The following MMADHC variants were observed in gnomAD, a reference collection of about 807,000 sequenced individuals.
The protein encoded by MMADHC is cobalamin trafficking protein CblD.
MMADHC carries 23 observed loss-of-function variants against 36.3 expected under a neutral mutation model. The observed-to-expected ratio is 0.63, with a 90% confidence interval of 0.46 to 0.90. MMADHC has a LOEUF of 0.90. Ranked by LOEUF, MMADHC falls within the 40% of genes least tolerant of loss-of-function variation. The pLI is 0.00. For synonymous variants in MMADHC, 97 were observed against 116.1 expected (o/e 0.84, Z 1.06); for missense variants, 330 against 348.0 (o/e 0.95, Z 0.41).
chr2:149,583,034 T>C (rs993146883), intron 2 of MMADHC, among the ~76,000 whole-genome samples: 1 of 152,212 alleles, frequency 6.6e-6, no homozygotes, highest in Non-Finnish European at 1.5e-5. Context: ...CTATGGTCAC[T>C]TTCCCACGAC....
rs761480889 is a variant in MMADHC, at chr2:149,582,176, T to A, written c.105A>T (p.Gly35=). ...CATGAGACTCATCCGAACCTGATGATCCTGCAGTCGAAAAGGCTTTGGGAT... is the reference window on the plus strand; with the variant it reads ...CATGAGACTCATCCGAACCTGATGAACCTGCAGTCGAAAAGGCTTTGGGAT... ...VVNPKAFSTA[G]SSGSDESHVA... Residue 35 remains glycine, a synonymous_variant, in exon 3 of 8, where the codon GGA becomes GGT. Coordinates refer to ENST00000303319, the MANE Select transcript of MMADHC (RefSeq NM_015702.3). 3 of 1,613,992 alleles carry A rather than the reference T, an allele frequency of 1.9e-6. No homozygotes were observed. Among genetic ancestry groups the A allele is most frequent in the Non-Finnish European group, 2.5e-6 (3 of 1,179,904 alleles).
chr2:149,573,922 ACTGACATCTGCTG>A, intron 6 of MMADHC, among the ~76,000 whole-genome samples: 1 of 152,208 alleles, frequency 6.6e-6, no homozygotes, highest in Non-Finnish European at 1.5e-5. Flanking sequence ...GTTCACCAAC[ACTGACATCTGCTG>A]GAAAAAATTA....
chr2:149,572,215 A>T, intron 6 of MMADHC: 1 of 425,412 alleles, frequency 2.4e-6, no homozygotes, highest in East Asian at 8.3e-5. Context: ...TTTAAAAACA[A>T]GGGCACATAG....
At chr2:149,586,808 C>A in intron 2 of MMADHC, 1 of 454,478 alleles carries the variant, frequency 2.2e-6, no homozygotes, top group South Asian at 3.5e-5. Context: ...AACATAGATT[C>A]TAATATTTAC....
At chr2:149,585,574 T>C (rs1407587575) in intron 2 of MMADHC, among the ~76,000 whole-genome samples, 1 of 152,220 alleles carries the variant, frequency 6.6e-6, no homozygotes, top group Non-Finnish European at 1.5e-5. Context: ...TCTGGCAGTA[T>C]TGGATTCACA....
At chr2:149,575,025 T>C (rs903836190) in intron 6 of MMADHC, among the ~76,000 whole-genome samples, 3 of 152,100 alleles carry the variant, frequency 2.0e-5, no homozygotes, top group African/African-American at 7.2e-5. Flanking sequence ...AACTCCTGGA[T>C]TCAAGCAATC....
At chr2:149,572,930 TA>T (rs1682665210) in intron 6 of MMADHC, among the ~76,000 whole-genome samples, 1 of 152,164 alleles carries the variant, frequency 6.6e-6, no homozygotes, top group Non-Finnish European at 1.5e-5. Flanking sequence ...CAGAGGTTAG[TA>T]AGCTACAGCC....
At chr2:149,578,813 A>G (rs1371422621) in intron 4 of MMADHC, among the ~76,000 whole-genome samples, 1 of 152,132 alleles carries the variant, frequency 6.6e-6, no homozygotes, top group African/African-American at 2.4e-5. Context: ...ACTATGCAAA[A>G]ATATGAAAAA....
intron 2 of MMADHC, among the ~76,000 whole-genome samples, chr2:149,583,959 T>C (rs1450531846): frequency 6.6e-6 from 1 of 152,190 alleles, no homozygotes; most frequent in African/African-American, 2.4e-5. Flanking sequence ...TCTTACTTTT[T>C]CTTTAAGACC....
intron 6 of MMADHC, among the ~76,000 whole-genome samples, chr2:149,574,832 A>G (rs1682690282): frequency 6.6e-6 from 1 of 152,202 alleles, no homozygotes; most frequent in Admixed American, 6.5e-5. Flanking sequence ...GGTAGGTATC[A>G]CTTTGTCGCT....
intron 4 of MMADHC, 86 bp downstream of exon 4, chr2:149,579,345 T>G: frequency 7.7e-7 from 1 of 1,304,318 alleles, no homozygotes; most frequent in South Asian, 1.2e-5. Context: ...TTTTTTACTT[T>G]TTCAACAAAA....
Position 149,572,335 on chromosome 2 carries a change from C to CA in MMADHC, c.610-1165dup, listed in dbSNP as rs372625497. On this transcript the variant is annotated intron_variant, in intron 6 of 7. Coordinates refer to ENST00000303319, the MANE Select transcript of MMADHC (RefSeq NM_015702.3). Reference sequence around the variant, plus strand: ...GCCTGGGCGAGAGAGACTCCGTCTCCAAAAAAAAAAAATCAAGGGCACAGT... The same window carrying CA: ...GCCTGGGCGAGAGAGACTCCGTCTCCAAAAAAAAAAAAATCAAGGGCACAGT... 707 of 121,972 alleles carry CA rather than the reference C, an allele frequency of 5.8e-3. 1 individual carries two copies. The highest frequency in any genetic ancestry group is 0.025 in the South Asian group (181 of 7,196). 7.6% of individuals were successfully genotyped at this position (121,972 alleles called of 1,614,324 possible).
Position 149,570,039 on chromosome 2 carries a change from C to CAACT in MMADHC, c.822_825dup (p.Val276SerfsTer8). ...GTTGCATTAGTGAAGATACTCCCTA[C>CAACT]AACTACATGGGTACCCCAGAGACTA... On this transcript the variant is annotated frameshift_variant, in exon 8 of 8. Transcript: ENST00000303319. LOFTEE classifies it high-confidence loss of function. The CAACT allele has an allele frequency of 6.2e-7, 1 of 1,613,784 alleles. No individual in the cohort carries two copies. The highest frequency in any genetic ancestry group is 8.5e-7 in the Non-Finnish European group (1 of 1,179,758).
chr2:149,574,980 G>C (rs1682692770), intron 6 of MMADHC, among the ~76,000 whole-genome samples: 1 of 152,002 alleles, frequency 6.6e-6, no homozygotes, highest in Non-Finnish European at 1.5e-5. Context: ...TTTTTGTAGA[G>C]ACAGGGTCTC....
Position 149,582,141 on chromosome 2 carries a change from G to C in MMADHC, c.140C>G (p.Ala47Gly). 6.2e-7 allele frequency: 1 copy of C among 1,613,904 alleles called. No individual in the cohort carries two copies. The highest frequency in any genetic ancestry group is 8.5e-7 in the Non-Finnish European group (1 of 1,179,842). The change falls in exon 3 of 8, where the codon GCA becomes GGA. Residue 47 changes from alanine (A) to glycine (G), a missense_variant. Coordinates refer to ENST00000303319, the MANE Select transcript of MMADHC (RefSeq NM_015702.3). ...CTTTCACTTACATATATCTGGAGGT[G>C]CAGCAGCCACATGAGACTCATCCGA... ...SGSDESHVAAAPPDICSRTVW... is the reference protein window; with the variant it reads ...SGSDESHVAAGPPDICSRTVW...
chr2:149,582,126 C>A lies in MMADHC; in HGVS notation c.154+1G>T. On this transcript the variant is annotated splice_donor_variant, in intron 3 of 7. Coordinates refer to ENST00000303319, the MANE Select transcript of MMADHC (RefSeq NM_015702.3). LOFTEE classifies it high-confidence loss of function. ...GTAAAGCAGTAACAACTTTCACTTA[C>A]ATATATCTGGAGGTGCAGCAGCCAC... 1 of 1,613,758 alleles carries A rather than the reference C, an allele frequency of 6.2e-7. No individual in the cohort carries two copies. The highest frequency in any genetic ancestry group is 8.5e-7 in the Non-Finnish European group (1 of 1,179,750).
intron 4 of MMADHC, among the ~76,000 whole-genome samples, chr2:149,578,768 T>C (rs1383967405): frequency 1.3e-5 from 2 of 152,034 alleles, no homozygotes; most frequent in Non-Finnish European, 2.9e-5. Context: ...GTGCTGCTTA[T>C]AATATGGCTT....
In MMADHC at chr2:149,576,932, A is replaced by G. The variant is rs151285563; in HGVS notation, c.373-390T>C. On this transcript the variant is annotated intron_variant, in intron 4 of 7. Transcript: ENST00000303319. ...AGGGGGATAATGATACTAACTTACA[A>G]GATACATGACTAAATAATACAGCCT... is the stretch of plus-strand genomic sequence containing the variant. Among the ~76,000 whole-genome samples, 296 of 152,302 alleles carry G rather than the reference A, an allele frequency of 1.9e-3. 1 individual carries two copies. The highest frequency in any genetic ancestry group is 7.0e-3 in the African/African-American group (289 of 41,566).
chr2:149,573,325 A>T (rs1318971247), intron 6 of MMADHC, among the ~76,000 whole-genome samples: 1 of 152,228 alleles, frequency 6.6e-6, no homozygotes, highest in East Asian at 1.9e-4. Context: ...TACCTGAGCC[A>T]GCATAAGAAA....
Sources: gnomAD v4.1 joint callset for allele counts (sites outside exome capture counted in the v4.1 genomes callset) on GRCh38, gnomAD v4.1.1 for gene constraint, MANE v1.5 for transcripts, NCBI Gene and HGNC (gene_info 2026-07-23, HGNC 2026-07-21) for gene names.